The following OR56A3 variants were observed in gnomAD, a reference collection of about 807,000 sequenced individuals.
The protein encoded by OR56A3 is olfactory receptor family 56 subfamily A member 3.
OR56A3 carries 23 observed loss-of-function variants against 17.5 expected under a neutral mutation model. That is an observed-to-expected ratio of 1.32 (90% confidence interval 0.95 to 1.87). The LOEUF is 1.87. Among genes scored for constraint, OR56A3 ranks in the 40% most tolerant of loss-of-function variants. The pLI, the probability that OR56A3 is intolerant of heterozygous loss-of-function variation, is 0.00. For synonymous variants in OR56A3, 175 were observed against 150.6 expected (o/e 1.16, Z -1.19); for missense variants, 366 against 380.1 (o/e 0.96, Z 0.31).
chr11:6,011,489 T>C, the OR56A3 span, among the ~76,000 whole-genome samples: 1 of 133,702 alleles, frequency 7.5e-6, no homozygotes, highest in Non-Finnish European at 1.6e-5. Flanking sequence ...CTGTATTTTA[T>C]CTGCCTCAGT....
chr11:5,946,102 T>G (rs1259941916), intron 2 of OR56A3, among the ~76,000 whole-genome samples: 4 of 152,248 alleles, frequency 2.6e-5, no homozygotes, highest in African/African-American at 9.6e-5. Context: ...GTTCTTTCTA[T>G]GGGCTGTCTT....
chr11:5,994,631 A>G, the OR56A3 span: 1 of 778,062 alleles, frequency 1.3e-6, no homozygotes, highest in Non-Finnish European at 2.3e-6. Context: ...TTCGCTCTTC[A>G]CAGACTGGCA....
At position 5,951,076 on chromosome 11, in the gene OR56A3, T is replaced by G. The variant is rs1027914044; in HGVS notation, c.*2782T>G. ...GTTAATGCTGCAATAACATGAGTGC[T>G]AAATCTTGGAAACCAAGGTGAGAAG... On this transcript the variant is annotated 3_prime_UTR_variant, in exon 3 of 3. Coordinates refer to ENST00000641160, the MANE Select transcript of OR56A3 (RefSeq NM_001003443.3). The G allele has an allele frequency of 6.6e-6, 1 of 152,132 alleles. No homozygotes were observed. Among genetic ancestry groups the G allele is most frequent in the Non-Finnish European group, 1.5e-5 (1 of 67,980 alleles). 9.4% of individuals were successfully genotyped at this position (152,132 alleles called of 1,614,324 possible).
the OR56A3 span, chr11:5,986,061 G>A: frequency 2.0e-4 from 330 of 1,613,990 alleles, no homozygotes; most frequent in African/African-American, 3.9e-3. Context: ...GAAGAACATG[G>A]ACATGATGGG....
chr11:6,021,726 A>G, the OR56A3 span: 1 of 152,136 alleles, frequency 6.6e-6, no homozygotes, highest in Admixed American at 6.6e-5. Context: ...GGCAGATGGC[A>G]TTAAAAAAAC....
intron 1 of OR56A3, among the ~76,000 whole-genome samples, chr11:5,943,089 G>C (rs1272181503): frequency 2.0e-5 from 3 of 152,196 alleles, no homozygotes; most frequent in Non-Finnish European, 4.4e-5. Flanking sequence ...AATAATGAAA[G>C]GAGAAAAGGA....
At chr11:6,007,859 G>T in the OR56A3 span, among the ~76,000 whole-genome samples, 1 of 152,032 alleles carries the variant, frequency 6.6e-6, no homozygotes, top group Non-Finnish European at 1.5e-5. Context: ...TTCTCATGCA[G>T]TGGGAGTATC....
chr11:5,952,205 G>A (rs749930296), downstream of OR56A3, among the ~76,000 whole-genome samples: 2 of 152,148 alleles, frequency 1.3e-5, no homozygotes, highest in Admixed American at 1.3e-4. Flanking sequence ...AAAGTACACA[G>A]CCATGGAGAA....
the OR56A3 span, among the ~76,000 whole-genome samples, chr11:5,980,525 T>A: frequency 6.6e-6 from 1 of 152,190 alleles, no homozygotes; most frequent in East Asian, 1.9e-4. Context: ...GTTTTCCATT[T>A]GCTTGATAGA....
the OR56A3 span, chr11:6,006,410 T>C: frequency 6.6e-6 from 1 of 152,224 alleles, no homozygotes; most frequent in African/African-American, 2.4e-5. Context: ...TAGACTGATA[T>C]TCACAAAGGA....
chr11:5,967,865 C>T, the OR56A3 span: 6 of 1,571,952 alleles, frequency 3.8e-6, no homozygotes, highest in Non-Finnish European at 5.2e-6. Context: ...GGTCAGAGCC[C>T]AGCAGGGTCC....
intron 2 of OR56A3, among the ~76,000 whole-genome samples, chr11:5,945,348 G>A (rs1180086435): frequency 4.6e-5 from 7 of 152,118 alleles, no homozygotes; most frequent in Non-Finnish European, 1.0e-4. Flanking sequence ...GCTGAGGTGG[G>A]TGGATCTCGA....
chr11:6,006,697 T>C, the OR56A3 span, among the ~76,000 whole-genome samples: 1 of 152,216 alleles, frequency 6.6e-6, no homozygotes, highest in South Asian at 2.1e-4. Context: ...GTTTTCAGTC[T>C]ACAAGCCATG....
the OR56A3 span, among the ~76,000 whole-genome samples, chr11:6,005,706 A>C: frequency 6.6e-6 from 1 of 152,210 alleles, no homozygotes; most frequent in East Asian, 1.9e-4. Context: ...GCTAGAGCTC[A>C]TTTCTTAGTT....
chr11:5,994,457 G>A, the OR56A3 span: 183,783 of 740,230 alleles, frequency 0.25, 25,689 homozygotes, highest in Admixed American at 0.38. Flanking sequence ...GGGGGCATCT[G>A]TCTCCATGGT....
the OR56A3 span, chr11:5,994,814 A>G: frequency 1.3e-6 from 1 of 755,126 alleles, no homozygotes; most frequent in Non-Finnish European, 2.4e-6. Context: ...CTTCCTCTCC[A>G]GGTGCTCCCG....
At chr11:5,973,822 G>A in the OR56A3 span, among the ~76,000 whole-genome samples, 1 of 152,208 alleles carries the variant, frequency 6.6e-6, no homozygotes, top group Non-Finnish European at 1.5e-5. Context: ...GTAGCCACCT[G>A]AAGGAGATGA....
At chr11:5,970,244 AT>A in the OR56A3 span, among the ~76,000 whole-genome samples, 26 of 152,256 alleles carry the variant, frequency 1.7e-4, no homozygotes, top group African/African-American at 6.0e-4. Context: ...CTTATGGAGA[AT>A]ATATAAATTA....
chr11:5,968,626 T>C, the OR56A3 span: 9 of 681,302 alleles, frequency 1.3e-5, no homozygotes, highest in African/African-American at 1.1e-4. Context: ...GAGATACAGA[T>C]GACCAATCCC....
Sources: allele counts gnomAD v4.1 joint callset (sites outside exome capture counted in the v4.1 genomes callset), GRCh38; gene constraint gnomAD v4.1.1; transcripts MANE v1.5; gene names NCBI Gene and HGNC (gene_info 2026-07-23, HGNC 2026-07-21).